SYNPO2: variants seen among roughly 807,000 people sequenced by gnomAD.
The protein encoded by SYNPO2 is synaptopodin 2.
Under a neutral mutation model 85.0 loss-of-function variants are expected in SYNPO2, and 56 were observed. The observed-to-expected ratio is 0.66, with a 90% CI of 0.53 to 0.82. The LOEUF is 0.82. SYNPO2 is among the 40% of genes least tolerant of loss of function. The probability of loss-of-function intolerance (pLI) is 0.00; values close to 1 mark genes in which losing one functional copy is unlikely to be tolerated. For synonymous variants in SYNPO2, 602 were observed against 591.1 expected, an observed-to-expected ratio of 1.02 and a Z score of -0.27; for missense variants, 1,575 against 1,534.2, an observed-to-expected ratio of 1.03 and a Z score of -0.44.
At chr4:119,029,433 T>G (rs1451086737) in intron 3 of SYNPO2, among the ~76,000 whole-genome samples, 1 of 152,166 alleles carries the variant, frequency 6.6e-6, no homozygotes, top group African/African-American at 2.4e-5. Flanking sequence ...ATTGACACTT[T>G]ATTTTAAAAT....
intron 4 of SYNPO2, chr4:119,035,940 G>A (rs776148008): frequency 6.1e-6 from 6 of 985,390 alleles, no homozygotes; most frequent in Non-Finnish European, 7.2e-6. Flanking sequence ...CTGCTAAGAG[G>A]CATGTCGAAC....
intron 4 of SYNPO2, among the ~76,000 whole-genome samples, chr4:119,049,475 C>A (rs1170581063): frequency 6.6e-6 from 1 of 152,122 alleles, no homozygotes; most frequent in Non-Finnish European, 1.5e-5. Flanking sequence ...AGGGTTTCAG[C>A]CAAGAGAATT....
At chr4:118,862,282 TA>T (rs1731623811) in intron 1 of SYNPO2, among the ~76,000 whole-genome samples, 1 of 152,228 alleles carries the variant, frequency 6.6e-6, no homozygotes, top group Admixed American at 6.5e-5. Flanking sequence ...GAAACAAGGA[TA>T]ATTTGACTTC....
At chr4:118,854,301 T>C (rs1157700150) in intron 1 of SYNPO2, among the ~76,000 whole-genome samples, 1 of 152,218 alleles carries the variant, frequency 6.6e-6, no homozygotes, top group Non-Finnish European at 1.5e-5. Context: ...TTCCATTTGT[T>C]GATTTCAGAG....
intron 1 of SYNPO2, among the ~76,000 whole-genome samples, chr4:118,878,874 C>T (rs1361000231): frequency 2.6e-5 from 4 of 152,234 alleles, no homozygotes; most frequent in Non-Finnish European, 4.4e-5. Flanking sequence ...AGGTCCTTTT[C>T]TGTCTTGTGG....
chr4:118,863,894 A>T (rs575999122), intron 1 of SYNPO2, among the ~76,000 whole-genome samples: 1 of 152,314 alleles, frequency 6.6e-6, no homozygotes, highest in African/African-American at 2.4e-5. Flanking sequence ...GGCATGAGCC[A>T]CTGTGCCCAT....
intron 1 of SYNPO2, among the ~76,000 whole-genome samples, chr4:118,876,658 C>T (rs1560812503): frequency 2.7e-5 from 4 of 148,458 alleles, no homozygotes; most frequent in Admixed American, 2.0e-4. Flanking sequence ...TTCCTTCCTT[C>T]CTTCCTTTCT....
At chr4:118,866,699 C>T (rs1044785399) in intron 1 of SYNPO2, among the ~76,000 whole-genome samples, 9 of 152,098 alleles carry the variant, frequency 5.9e-5, no homozygotes, top group Non-Finnish European at 1.0e-4. Context: ...ATAGAGTTTC[C>T]ACAAGATCTG....
chr4:118,952,917 G>A (rs1414126787), intron 1 of SYNPO2, among the ~76,000 whole-genome samples: 3 of 152,082 alleles, frequency 2.0e-5, no homozygotes, highest in Non-Finnish European at 2.9e-5. Flanking sequence ...GAAAACTGAA[G>A]GTCAGAGAGA....
intron 1 of SYNPO2, among the ~76,000 whole-genome samples, chr4:118,932,754 A>C (rs1228022123): frequency 6.6e-6 from 1 of 152,224 alleles, no homozygotes; most frequent in Non-Finnish European, 1.5e-5. Flanking sequence ...AATAAAACTG[A>C]TAGAAAAGTG....
intron 1 of SYNPO2, among the ~76,000 whole-genome samples, chr4:118,930,209 T>C (rs1031011247): frequency 4.6e-5 from 7 of 152,204 alleles, no homozygotes; most frequent in Non-Finnish European, 8.8e-5. Context: ...AAAAGTCCTA[T>C]GAGAATTGTT....
intron 1 of SYNPO2, among the ~76,000 whole-genome samples, chr4:118,964,460 A>G (rs1263803731): frequency 6.6e-6 from 1 of 151,980 alleles, no homozygotes; most frequent in East Asian, 1.9e-4. Context: ...ACTGCACTCC[A>G]GCCTGGGTGA....
At chr4:118,869,186 A>G (rs1315161761) in intron 1 of SYNPO2, among the ~76,000 whole-genome samples, 1 of 152,132 alleles carries the variant, frequency 6.6e-6, no homozygotes, top group African/African-American at 2.4e-5. Flanking sequence ...CCTCCCAAGT[A>G]GCTGGGATTA....
chr4:118,870,832 A>G (rs757123746), intron 1 of SYNPO2, among the ~76,000 whole-genome samples: 9 of 152,246 alleles, frequency 5.9e-5, no homozygotes, highest in Non-Finnish European at 1.2e-4. Context: ...GCAAACCACC[A>G]TGGCACATAT....
intron 1 of SYNPO2, among the ~76,000 whole-genome samples, chr4:118,929,748 A>C (rs748999125): frequency 6.6e-6 from 1 of 152,196 alleles, no homozygotes; most frequent in Admixed American, 6.5e-5. Context: ...TTTCTAATAA[A>C]AATATACAGT....
intron 1 of SYNPO2, among the ~76,000 whole-genome samples, chr4:118,852,126 A>G (rs905267933): frequency 6.6e-6 from 1 of 152,228 alleles, no homozygotes; most frequent in Non-Finnish European, 1.5e-5. Context: ...AAAAAAGCTC[A>G]ATATCACGGA....
chr4:118,954,577 A>G (rs571508322), intron 1 of SYNPO2, among the ~76,000 whole-genome samples: 1 of 152,336 alleles, frequency 6.6e-6, no homozygotes, highest in Middle Eastern at 3.4e-3. Flanking sequence ...CAGGCATAAA[A>G]CTGAGCCACA....
chr4:118,923,076 G>T (rs1457980334), intron 1 of SYNPO2, among the ~76,000 whole-genome samples: 1 of 152,036 alleles, frequency 6.6e-6, no homozygotes, highest in African/African-American at 2.4e-5. Context: ...AATATTCTCT[G>T]CCATACACAC....
chr4:118,867,375 G>C (rs1008316060), intron 1 of SYNPO2, among the ~76,000 whole-genome samples: 1 of 151,972 alleles, frequency 6.6e-6, no homozygotes, highest in Admixed American at 6.6e-5. Context: ...TTGTGTATTG[G>C]GTGAGCCAAA....
Sources: gnomAD v4.1 joint callset for allele counts (sites outside exome capture counted in the v4.1 genomes callset) on GRCh38, gnomAD v4.1.1 for gene constraint, MANE v1.5 for transcripts, NCBI Gene and HGNC (gene_info 2026-07-23, HGNC 2026-07-21) for gene names.